SORCS3: variants seen among roughly 807,000 people sequenced by gnomAD.
The protein encoded by SORCS3 is sortilin related VPS10 domain containing receptor 3, also known as VPS10 domain-containing receptor SorCS3.
In SORCS3, 57 loss-of-function variants were observed where a neutral mutation model predicts 146.3. That is an observed-to-expected ratio of 0.39 (90% CI 0.31 to 0.49). The LOEUF is 0.49. SORCS3 is among the 20% of genes least tolerant of loss of function. The probability of loss-of-function intolerance (pLI) is 0.92; values close to 1 mark genes in which losing one functional copy is unlikely to be tolerated. For synonymous variants in SORCS3, 653 were observed against 618.5 expected (o/e 1.06, Z -0.83); for missense variants, 1,341 against 1,575.5 (o/e 0.85, Z 2.52).
intron 3 of SORCS3, among the ~76,000 whole-genome samples, chr10:104,934,635 C>A (rs112052100): frequency 1.8e-3 from 279 of 152,268 alleles, no homozygotes; most frequent in Non-Finnish European, 3.0e-3. Flanking sequence ...CTAAGACTTA[C>A]AACCAAGAAA....
At chr10:104,737,219 A>C (rs1169909193) in intron 1 of SORCS3, among the ~76,000 whole-genome samples, 1 of 152,218 alleles carries the variant, frequency 6.6e-6, no homozygotes, top group Non-Finnish European at 1.5e-5. Context: ...TGCTATTGTG[A>C]ATAGTGCCGC....
intron 1 of SORCS3, among the ~76,000 whole-genome samples, chr10:104,835,964 G>A (rs1200554606): frequency 1.3e-5 from 2 of 152,118 alleles, no homozygotes; most frequent in Non-Finnish European, 1.5e-5. Context: ...AGCCAACTCC[G>A]CAAACATACC....
chr10:104,756,552 G>A (rs1387121645), intron 1 of SORCS3, among the ~76,000 whole-genome samples: 1 of 152,180 alleles, frequency 6.6e-6, no homozygotes, highest in African/African-American at 2.4e-5. Context: ...GAGTTTGTAG[G>A]CAGGGTAAGG....
At position 104,849,348 on chromosome 10, in the gene SORCS3, G is replaced by A. The variant is rs547796662; in HGVS notation, c.695+6489G>A. ...AATCACTTGAACGCGGGAAGCGGAG[G>A]TTGTAGTGAGCTGAGTTGATGCCAC... is the stretch of plus-strand genomic sequence containing the variant. On this transcript the variant is annotated intron_variant, in intron 2 of 26. Coordinates refer to ENST00000369701, the MANE Select transcript of SORCS3 (RefSeq NM_014978.3). 4.0e-5 allele frequency among the ~76,000 whole-genome samples: 6 copies of A among 149,600 alleles called. No homozygotes were observed. The East Asian group carries it at 1.2e-3, about 29-fold the overall frequency.
chr10:104,930,169 A>G (rs1418324622), intron 3 of SORCS3, among the ~76,000 whole-genome samples: 1 of 152,072 alleles, frequency 6.6e-6, no homozygotes, highest in African/African-American at 2.4e-5. Context: ...AATTGCTAAC[A>G]TTGTGCATTG....
intron 19 of SORCS3, among the ~76,000 whole-genome samples, chr10:105,220,012 C>T (rs1488714877): frequency 1.3e-5 from 2 of 152,150 alleles, no homozygotes; most frequent in African/African-American, 4.8e-5. Flanking sequence ...TTGGCCTTAC[C>T]CTGGGCCATT....
chr10:104,695,460 A>T (rs1243521949), intron 1 of SORCS3, among the ~76,000 whole-genome samples: 1 of 151,886 alleles, frequency 6.6e-6, no homozygotes, highest in Non-Finnish European at 1.5e-5. Flanking sequence ...GTAGGTGGTT[A>T]TAAAAGAAGT....
At chr10:104,885,640 T>C (rs1404785) in intron 2 of SORCS3, among the ~76,000 whole-genome samples, 55,894 of 152,026 alleles carry the variant, frequency 0.37, 13,355 homozygotes, top group African/African-American at 0.68. Flanking sequence ...ATTTTTCGTT[T>C]TGCGTCTTTC....
chr10:104,641,971 CG>C lies in SORCS3; in HGVS notation c.627+19del, dbSNP rs2015425655. The C allele has an allele frequency of 8.4e-7, 1 of 1,195,144 alleles. No homozygotes were observed. The highest frequency in any genetic ancestry group is 2.7e-5 in the Admixed American group (1 of 37,732). 74.0% of individuals were successfully genotyped at this position (1,195,144 alleles called of 1,614,324 possible). A position where few individuals can be genotyped will look rare whatever the true frequency, so the allele number is the denominator to read the frequency against. On this transcript the variant is annotated intron_variant, in intron 1 of 26. Coordinates refer to ENST00000369701, the MANE Select transcript of SORCS3 (RefSeq NM_014978.3). This position sits in a 1 kb window ranked among gnomAD's most constrained non-coding sequence, Gnocchi z 6.4. The stretch of plus-strand genomic sequence containing the variant: ...AACAGCAGCGTGAGTACCCACCCGG[CG>C]GCGGGTCCGCCTGTTTCCTGACACC...
intron 2 of SORCS3, among the ~76,000 whole-genome samples, chr10:104,901,625 G>A (rs2007698): frequency 0.37 from 55,863 of 151,902 alleles, 13,389 homozygotes; most frequent in African/African-American, 0.69. Flanking sequence ...GGAGAGGACT[G>A]TCTCTGAATT....
At chr10:105,130,338 C>T (rs769441964) in intron 7 of SORCS3, among the ~76,000 whole-genome samples, 23 of 152,110 alleles carry the variant, frequency 1.5e-4, no homozygotes, top group Non-Finnish European at 2.6e-4. Flanking sequence ...TTTGAAGGAA[C>T]AGTGTCAGAG....
intron 3 of SORCS3, among the ~76,000 whole-genome samples, chr10:104,936,220 T>C (rs1294001326): frequency 1.3e-5 from 2 of 152,138 alleles, no homozygotes; most frequent in Non-Finnish European, 2.9e-5. Context: ...ATTCATTATA[T>C]GTATGTTTAA....
At chr10:104,949,598 G>T (rs559541694) in intron 3 of SORCS3, among the ~76,000 whole-genome samples, 2 of 152,182 alleles carry the variant, frequency 1.3e-5, no homozygotes, top group African/African-American at 4.8e-5. Flanking sequence ...GACAAGATAG[G>T]TTATAAGGAG....
intron 1 of SORCS3, among the ~76,000 whole-genome samples, chr10:104,782,940 A>G (rs535015077): frequency 1.3e-5 from 2 of 152,238 alleles, no homozygotes; most frequent in South Asian, 4.1e-4. Context: ...TGTTTTACAT[A>G]TGCAGTTTTG....
chr10:104,990,184 T>C (rs140086041), intron 4 of SORCS3, among the ~76,000 whole-genome samples: 2 of 152,306 alleles, frequency 1.3e-5, no homozygotes, highest in East Asian at 1.9e-4. Context: ...ATTTGGTGTA[T>C]AGATACCTCA....
intron 1 of SORCS3, among the ~76,000 whole-genome samples, chr10:104,842,171 G>A (rs2018148905): frequency 6.6e-6 from 1 of 152,200 alleles, no homozygotes; most frequent in South Asian, 2.1e-4. Context: ...AAGTGGTCAT[G>A]GAGTCCAGTG....
chr10:104,822,757 T>C (rs2017889000), intron 1 of SORCS3, among the ~76,000 whole-genome samples: 1 of 152,202 alleles, frequency 6.6e-6, no homozygotes, highest in Admixed American at 6.5e-5. Context: ...TTATCAGCAC[T>C]TTCCTGCTTG....
At chr10:104,833,623 C>T (rs2018032451) in intron 1 of SORCS3, among the ~76,000 whole-genome samples, 3 of 152,158 alleles carry the variant, frequency 2.0e-5, no homozygotes, top group Admixed American at 1.3e-4. Context: ...GAGGTCCAAA[C>T]AAACTGGTTT....
intron 1 of SORCS3, among the ~76,000 whole-genome samples, chr10:104,731,261 C>T (rs2016704003): frequency 6.6e-6 from 1 of 152,232 alleles, no homozygotes; most frequent in African/African-American, 2.4e-5. Flanking sequence ...ACAGCTACTT[C>T]TCTGGCATGG....
Sources: allele counts gnomAD v4.1 joint callset (sites outside exome capture counted in the v4.1 genomes callset), GRCh38; gene constraint gnomAD v4.1.1; non-coding constraint Gnocchi (gnomAD v3.1); transcripts MANE v1.5; gene names NCBI Gene and HGNC (gene_info 2026-07-23, HGNC 2026-07-21).